Variants in NBPF9 observed in about 807,000 individuals in gnomAD.
The protein encoded by NBPF9 is NBPF member 9.
In NBPF9, 91 loss-of-function variants were observed where a neutral mutation model predicts 97.8. The ratio of observed to expected loss-of-function variants is 0.93; its 90% CI spans 0.79 to 1.11. The LOEUF (loss-of-function observed/expected upper bound fraction) is 1.11, where lower values mean the gene tolerates loss of function less well. Among genes scored for constraint, NBPF9 ranks in the 50% least tolerant of loss-of-function variants. The probability of loss-of-function intolerance (pLI) is 0.00; values close to 1 mark genes in which losing one functional copy is unlikely to be tolerated. For synonymous variants in NBPF9, 334 were observed against 359.5 expected (o/e 0.93, Z 0.80); for missense variants, 992 against 939.5 (o/e 1.06, Z -0.73).
In NBPF9 at chr1:149,062,464, G is replaced by GGA. The variant is rs782745315; in HGVS notation, c.2079-201_2079-200dup. Among the ~76,000 whole-genome samples the GGA allele has an allele frequency of 2.1e-4, 30 of 142,956 alleles. 1 individual carries two copies. The highest frequency in any genetic ancestry group is 4.4e-4 in the Admixed American group (6 of 13,688). 93.8% of individuals were successfully genotyped at this position (142,956 alleles called of 152,430 possible). ...GAATGAAAGAGAAAGACAGGGAGAG[G>GGA]GAGAGAGAGAGAGAGGAGAAAGTGA... On this transcript the variant is annotated intron_variant, in intron 21 of 29. Coordinates refer to ENST00000584027, the Ensembl canonical transcript of NBPF9.
chr1:149,070,249 AG>A (rs1222497492), intron 16 of NBPF9, among the ~76,000 whole-genome samples: 1 of 146,616 alleles, frequency 6.8e-6, no homozygotes, highest in East Asian at 2.1e-4. Flanking sequence ...TGAATCTGGG[AG>A]GCAGAGGTTG....
intron 20 of NBPF9, 101 bp downstream of exon 20, chr1:149,063,532 C>A: frequency 1.4e-6 from 1 of 699,176 alleles, no homozygotes; most frequent in Non-Finnish European, 2.6e-6. Context: ...CTCCCTGTGG[C>A]AATGACATCT....
At chr1:149,077,404 A>G in exon 11 of NBPF9, 1 of 1,609,904 alleles carries the variant, frequency 6.2e-7, no homozygotes, top group Non-Finnish European at 8.5e-7. Flanking sequence ...TGCTCTCTTC[A>G]GCCTTCTGCA....
rs2081365321 is a variant in NBPF9, at chr1:149,090,841, CT to C, written c.-284del. 1 of 574,636 alleles carries C rather than the reference CT, an allele frequency of 1.7e-6. No homozygotes were observed. The highest frequency in any genetic ancestry group is 3.0e-6 in the Non-Finnish European group (1 of 330,812). The allele number at this position is 574,636 out of a possible 1,614,324, so 35.6% of individuals were successfully genotyped here. A position where few individuals can be genotyped will look rare whatever the true frequency, so the allele number is the denominator to read the frequency against. ...CCCAACCAGTAAATCTTAGCAAGAT[CT>C]GAGTTTCTCCAGGTATGATATTATT... On this transcript the variant is annotated 5_prime_UTR_variant, in exon 5 of 30. It introduces an in-frame stop codon into an upstream open reading frame of the 5' UTR. Coordinates refer to ENST00000584027, the Ensembl canonical transcript of NBPF9.
intron 12 of NBPF9, 66 bp downstream of exon 12, chr1:149,075,589 T>G (rs2152900053): frequency 1.4e-6 from 2 of 1,428,686 alleles, no homozygotes; most frequent in Middle Eastern, 4.9e-4. Context: ...AGAGAGCACT[T>G]AGTTCCTCAG....
At position 149,084,969 on chromosome 1, in the gene NBPF9, A is replaced by G. The variant is rs1322545500; in HGVS notation, c.-194-2539T>C. Among the ~76,000 whole-genome samples, 186 of 151,910 alleles carry G rather than the reference A, an allele frequency of 1.2e-3. 1 individual carries two copies. The highest frequency in any genetic ancestry group is 4.0e-3 in the African/African-American group (165 of 41,444). On this transcript the variant is annotated intron_variant, in intron 5 of 29. Coordinates refer to ENST00000584027, the Ensembl canonical transcript of NBPF9. ...GAAGGTATCCATGGCAATTTCATCA[A>G]CAAGTAATGTTATGAAATGGCCTCC... is the stretch of plus-strand genomic sequence containing the variant.
intron 29 of NBPF9, among the ~76,000 whole-genome samples, chr1:149,056,219 G>C (rs1278390052): frequency 3.4e-5 from 5 of 147,492 alleles, no homozygotes; most frequent in South Asian, 2.3e-4. Flanking sequence ...AGCAAACTGT[G>C]ATCATGAAAA....
rs1269633070 is a variant in NBPF9 at position 149,073,986 on chromosome 1, G to T, written c.989-116C>A. On this transcript the variant is annotated intron_variant, in intron 12 of 29. Coordinates refer to ENST00000584027, the Ensembl canonical transcript of NBPF9. Reference sequence around the variant, plus strand: ...GGACAAAACTCTCCCCAGTACCAGGGTCTAGACAGGGATTTCCACATCTTT... The same window carrying T: ...GGACAAAACTCTCCCCAGTACCAGGTTCTAGACAGGGATTTCCACATCTTT... 1.8e-4 allele frequency: 109 copies of T among 601,464 alleles called. No individual in the cohort carries two copies. The South Asian group carries it at 2.1e-3, about 12-fold the overall frequency. 37.3% of individuals were successfully genotyped at this position (601,464 alleles called of 1,614,324 possible).
At chr1:149,067,311 T>C (rs1437250707) in intron 17 of NBPF9, among the ~76,000 whole-genome samples, 76 of 119,366 alleles carry the variant, frequency 6.4e-4, no homozygotes, top group African/African-American at 2.3e-3. Context: ...TGTGTATATA[T>C]ATATATATAT....
intron 5 of NBPF9, among the ~76,000 whole-genome samples, chr1:149,083,024 T>C (rs1233680970): frequency 1.5e-5 from 2 of 136,912 alleles, no homozygotes; most frequent in African/African-American, 2.7e-5. Context: ...TTAGCCACGA[T>C]GGTCTCGATC....
At chr1:149,077,786 C>G in intron 10 of NBPF9, 97 bp downstream of exon 10, 1 of 1,495,652 alleles carries the variant, frequency 6.7e-7, no homozygotes. Flanking sequence ...CAAGGGGATG[C>G]GGGCTTTTGG....
chr1:149,098,242 C>A (rs797041669), intron 4 of NBPF9, among the ~76,000 whole-genome samples, 196 bp downstream of exon 4: 1 of 151,474 alleles, frequency 6.6e-6, no homozygotes, highest in Non-Finnish European at 1.5e-5. Flanking sequence ...CACCTGACAA[C>A]GGCACTGCAG....
chr1:149,101,038 C>T (rs1322718147), intron 3 of NBPF9, among the ~76,000 whole-genome samples: 14 of 150,588 alleles, frequency 9.3e-5, no homozygotes, highest in African/African-American at 3.4e-4. Flanking sequence ...TTAAACAGGA[C>T]ACAAAAAGCA....
Position 149,059,575 on chromosome 1 carries a change from G to A in NBPF9, c.2585+125C>T, listed in dbSNP as rs1275684062. 2.7e-5 allele frequency: 13 copies of A among 482,992 alleles called. 5 individuals carry two copies. Among genetic ancestry groups the A allele is most frequent in the African/African-American group, 7.6e-5 (3 of 39,394 alleles). 29.9% of individuals were successfully genotyped at this position (482,992 alleles called of 1,614,324 possible). ...ACATCTACTGCAATGAAAACCAACA[G>A]CAATGACAGTAGGAGTAATTCAGCC... On this transcript the variant is annotated intron_variant, in intron 25 of 29. Transcript: ENST00000584027.
At chr1:149,087,332 TAC>T (rs1199735548) in intron 5 of NBPF9, among the ~76,000 whole-genome samples, 69 of 147,030 alleles carry the variant, frequency 4.7e-4, no homozygotes, top group South Asian at 1.1e-3. Flanking sequence ...TATATATATA[TAC>T]ACACACACAC....
exon 18 of NBPF9, chr1:149,065,606 A>T: frequency 6.3e-7 from 1 of 1,582,962 alleles, no homozygotes; most frequent in Non-Finnish European, 8.5e-7. Flanking sequence ...CGAGGCCAAC[A>T]TTTCAGGAGG....
intron 17 of NBPF9, among the ~76,000 whole-genome samples, chr1:149,068,070 A>G (rs1350533095): frequency 1.2e-4 from 17 of 147,014 alleles, no homozygotes; most frequent in Non-Finnish European, 2.4e-4. Context: ...ACAGAGAAGC[A>G]AATGCTGACA....
chr1:149,093,208 G>T lies in NBPF9; in HGVS notation c.-336-2314C>A, dbSNP rs1211781546. 6.1e-3 allele frequency among the ~76,000 whole-genome samples: 924 copies of T among 151,422 alleles called. 11 individuals are homozygous for T. The highest frequency in any genetic ancestry group is 0.021 in the African/African-American group (863 of 41,238). ...GCTGTGCTTTTGATGTGCATATACA[G>T]AAACATCTCAATGCCTTAAAGAGCA... On this transcript the variant is annotated intron_variant, in intron 4 of 29. Coordinates refer to ENST00000584027, the Ensembl canonical transcript of NBPF9.
At chr1:149,063,475 T>G (rs1370686600) in intron 20 of NBPF9, among the ~76,000 whole-genome samples, 158 bp downstream of exon 20, 1 of 145,756 alleles carries the variant, frequency 6.9e-6, no homozygotes, top group African/African-American at 2.6e-5. Flanking sequence ...TGTCTGGGCT[T>G]CCAAGTGGAA....
Sources: gnomAD v4.1 joint callset for allele counts (sites outside exome capture counted in the v4.1 genomes callset) on GRCh38, gnomAD v4.1.1 for gene constraint, MANE v1.5 for transcripts, NCBI Gene and HGNC (gene_info 2026-07-23, HGNC 2026-07-21) for gene names.